Variants in NCK2 observed in about 807,000 individuals in gnomAD.
NCK2 encodes the protein NCK adaptor protein 2, also known as cytoplasmic protein NCK2.
NCK2 carries 16 observed loss-of-function variants against 33.9 expected under a neutral mutation model. The ratio of observed to expected loss-of-function variants is 0.47; its 90% CI spans 0.32 to 0.72. The LOEUF (loss-of-function observed/expected upper bound fraction) is 0.72, where lower values mean the gene tolerates loss of function less well. Ranked by LOEUF, NCK2 falls within the 30% of genes least tolerant of loss-of-function variation. The pLI, the probability that NCK2 is intolerant of heterozygous loss-of-function variation, is 0.03. For synonymous variants in NCK2, 273 were observed against 239.9 expected (o/e 1.14, Z -1.27); for missense variants, 418 against 537.3 (o/e 0.78, Z 2.19).
chr2:105,789,269 ACT>A (rs1255785989), intron 1 of NCK2, among the ~76,000 whole-genome samples: 2 of 151,692 alleles, frequency 1.3e-5, no homozygotes, highest in African/African-American at 4.8e-5. Context: ...CTTACTGCAA[ACT>A]CTGCCTCCCA....
intron 3 of NCK2, among the ~76,000 whole-genome samples, chr2:105,873,976 C>T (rs575627844): frequency 6.6e-6 from 1 of 152,302 alleles, no homozygotes; most frequent in African/African-American, 2.4e-5. Flanking sequence ...ATGGGCCTTC[C>T]CCCATGGCCA....
chr2:105,855,291 T>C lies in NCK2; in HGVS notation c.226+2T>C. The C allele has an allele frequency of 6.3e-7, 1 of 1,591,682 alleles. No homozygotes were observed. The highest frequency in any genetic ancestry group is 8.6e-7 in the Non-Finnish European group (1 of 1,165,910). Reference sequence around the variant, plus strand: ...TGAAGAACCTGAAGGACACACTAGGTGAGTGTTTCACCCTCGAGAGAGGAA... The same window carrying C: ...TGAAGAACCTGAAGGACACACTAGGCGAGTGTTTCACCCTCGAGAGAGGAA... On this transcript the variant is annotated splice_donor_variant, in intron 3 of 4. Coordinates refer to ENST00000233154, the MANE Select transcript of NCK2 (RefSeq NM_003581.5). LOFTEE classifies it high-confidence loss of function.
chr2:105,776,085 C>A (rs1382718491), intron 1 of NCK2, among the ~76,000 whole-genome samples: 2 of 152,222 alleles, frequency 1.3e-5, no homozygotes, highest in East Asian at 3.9e-4. Context: ...ATGTCCCTTA[C>A]TGCAGGCCAC....
chr2:105,841,371 CA>C (rs1333672398), intron 2 of NCK2, among the ~76,000 whole-genome samples: 1 of 152,094 alleles, frequency 6.6e-6, no homozygotes, highest in East Asian at 1.9e-4. Flanking sequence ...CTACCTCAGT[CA>C]CTCATTTTGG....
intron 1 of NCK2, among the ~76,000 whole-genome samples, chr2:105,794,330 G>A (rs56119132): frequency 0.15 from 23,273 of 152,084 alleles, 2,071 homozygotes; most frequent in South Asian, 0.25. Context: ...AGGATTACAG[G>A]CATGCGCCAC....
In NCK2 at chr2:105,881,362, G is replaced by C. The variant is rs138508918; in HGVS notation, c.261G>C (p.Arg87=). Residue 87 remains arginine, a synonymous_variant, in exon 4 of 5, where the codon CGG becomes CGC. Coordinates refer to ENST00000233154, the MANE Select transcript of NCK2 (RefSeq NM_003581.5). ...AGACGCGCAGGAAGACCAGCGCGCG[G>C]GATGCGTCCCCCACGCCCAGCACGG... ...LGKTRRKTSA[R]DASPTPSTDA... is the part of the protein sequence containing the mutation. The C allele has an allele frequency of 6.2e-7, 1 of 1,607,304 alleles. No individual in the cohort carries two copies.
At chr2:105,744,694 C>T (rs1362361078), upstream of NCK2, among the ~76,000 whole-genome samples, 3 of 151,668 alleles carry the variant, frequency 2.0e-5, no homozygotes, top group African/African-American at 7.2e-5. Context: ...GTACCGGGAC[C>T]CGGGCGCGGA....
At chr2:105,771,292 C>T (rs191753503) in intron 1 of NCK2, among the ~76,000 whole-genome samples, 2,857 of 151,642 alleles carry the variant, frequency 0.019, 52 homozygotes, top group Non-Finnish European at 0.022. Flanking sequence ...TGAGGGCTGG[C>T]GGGGTGGCTC....
chr2:105,768,381 G>A (rs762827810), intron 1 of NCK2, among the ~76,000 whole-genome samples: 20 of 152,276 alleles, frequency 1.3e-4, no homozygotes, highest in South Asian at 8.3e-4. Flanking sequence ...TTCAGGGTTC[G>A]TGCCGGCCTC....
In NCK2 at chr2:105,752,542, T is replaced by TA. The variant is rs375939155; in HGVS notation, c.-201+7410dup. ...AATGTGTTCAGCACCATAGGAAAGG[T>TA]AAAAAACAACATTGTATACAGTGAT... On this transcript the variant is annotated intron_variant, in intron 1 of 4. Coordinates refer to ENST00000233154, the MANE Select transcript of NCK2 (RefSeq NM_003581.5). 7.1e-3 allele frequency among the ~76,000 whole-genome samples: 1,075 copies of TA among 152,268 alleles called. 19 individuals are homozygous for TA. Among genetic ancestry groups the TA allele is most frequent in the African/African-American group, 0.025 (1,034 of 41,546 alleles).
At chr2:105,840,452 T>G (rs1257139458) in intron 2 of NCK2, among the ~76,000 whole-genome samples, 2 of 152,232 alleles carry the variant, frequency 1.3e-5, no homozygotes, top group Non-Finnish European at 1.5e-5. Context: ...TCAGCAAATG[T>G]CTGGGTATCT....
intron 2 of NCK2, among the ~76,000 whole-genome samples, chr2:105,832,260 TTC>T (rs575861287): frequency 6.6e-4 from 100 of 152,348 alleles, no homozygotes; most frequent in African/African-American, 2.4e-3. Context: ...TGTTTACCAA[TTC>T]TACAGTATTT....
At chr2:105,777,252 G>A (rs79342548) in intron 1 of NCK2, among the ~76,000 whole-genome samples, 1 of 151,898 alleles carries the variant, frequency 6.6e-6, no homozygotes, top group Admixed American at 6.6e-5. Context: ...GGGGTGTTGC[G>A]GGGGGGCAAC....
intron 1 of NCK2, among the ~76,000 whole-genome samples, chr2:105,782,437 A>C (rs955716939): frequency 2.0e-5 from 3 of 152,214 alleles, no homozygotes; most frequent in Admixed American, 6.5e-5. Flanking sequence ...ACTTGAGAAG[A>C]AACAGTCTAT....
chr2:105,870,061 C>G (rs1051857819), intron 3 of NCK2, among the ~76,000 whole-genome samples: 2 of 152,166 alleles, frequency 1.3e-5, no homozygotes, highest in African/African-American at 4.8e-5. Flanking sequence ...GTCCTTTGCC[C>G]CAACACCTCC....
At chr2:105,858,505 C>A (rs1677381961) in intron 3 of NCK2, among the ~76,000 whole-genome samples, 1 of 152,178 alleles carries the variant, frequency 6.6e-6, no homozygotes, top group African/African-American at 2.4e-5. Flanking sequence ...CATGGCACCA[C>A]CCACATTTGC....
intron 2 of NCK2, among the ~76,000 whole-genome samples, chr2:105,849,354 C>T (rs765832059): frequency 1.1e-4 from 17 of 151,840 alleles, no homozygotes; most frequent in Non-Finnish European, 2.1e-4. Context: ...TGCCACTGCA[C>T]TCCAGCCTCA....
At chr2:105,804,266 G>C (rs1674948510) in intron 1 of NCK2, among the ~76,000 whole-genome samples, 1 of 152,220 alleles carries the variant, frequency 6.6e-6, no homozygotes, top group South Asian at 2.1e-4. Flanking sequence ...GTGTGTAAAT[G>C]AACGGACCAG....
intron 1 of NCK2, among the ~76,000 whole-genome samples, chr2:105,808,781 G>A (rs771284885): frequency 2.6e-5 from 4 of 152,160 alleles, no homozygotes; most frequent in Admixed American, 6.5e-5. Flanking sequence ...CAGGAAAATC[G>A]GGACACTAAT....
Sources: gnomAD v4.1 joint callset for allele counts (sites outside exome capture counted in the v4.1 genomes callset) on GRCh38, gnomAD v4.1.1 for gene constraint, MANE v1.5 for transcripts, NCBI Gene and HGNC (gene_info 2026-07-23, HGNC 2026-07-21) for gene names.